Variants in PCDHA7 observed in about 807,000 individuals in gnomAD.
The protein encoded by PCDHA7 is protocadherin alpha-7.
In PCDHA7, 37 loss-of-function variants were observed where a neutral mutation model predicts 57.2. The ratio of observed to expected loss-of-function variants is 0.65; its 90% CI spans 0.50 to 0.85. PCDHA7 has a LOEUF of 0.85. PCDHA7 is among the 40% of genes least tolerant of loss of function. The probability of loss-of-function intolerance (pLI) is 0.00; values close to 1 mark genes in which losing one functional copy is unlikely to be tolerated. For missense variants in PCDHA7, 1,188 were observed against 1,241.8 expected, an observed-to-expected ratio of 0.96 and a Z score of 0.65; for synonymous variants, 553 against 558.8, an observed-to-expected ratio of 0.99 and a Z score of 0.15.
intron 1 of PCDHA7, among the ~76,000 whole-genome samples, chr5:140,898,221 T>C (rs1238265746): frequency 6.6e-6 from 1 of 152,230 alleles, no homozygotes; most frequent in South Asian, 2.1e-4. Flanking sequence ...ATTTTGGCTT[T>C]TGTTGCCATT....
In PCDHA7 at chr5:140,871,299, G is replaced by T. The variant is rs782459625; in HGVS notation, c.2355+34561G>T. On this transcript the variant is annotated intron_variant, in intron 1 of 3. Coordinates refer to ENST00000525929, the MANE Select transcript of PCDHA7 (RefSeq NM_018910.3). The stretch of plus-strand genomic sequence containing the variant: ...CAACGCCCACTGAGGGCGCGTGCGC[G>T]CCGGGGAAGCCCACGCTGGTGTGCT... 1.5e-5 allele frequency: 24 copies of T among 1,613,798 alleles called. No homozygotes were observed. In the East Asian group the frequency reaches 5.3e-4, roughly 36 times the overall value.
chr5:140,834,613 TA>T lies in PCDHA7; in HGVS notation c.233del (p.Asn78IlefsTer9). On this transcript the variant is annotated frameshift_variant, in exon 1 of 4. Transcript: ENST00000525929. LOFTEE classifies it high-confidence loss of function. Reference protein sequence around the residue: ...VCKFRGDLLEVNLQNGILFVN... With the variant: ...VCKFRGDLLEXNLQNGILFVN... ...AAATTCCGTGGGGATCTTCTGGAGG[TA>T]AATCTGCAGAATGGCATTTTGTTTG... 6.2e-6 allele frequency: 10 copies of T among 1,614,054 alleles called. No homozygotes were observed. The highest frequency in any genetic ancestry group is 8.5e-6 in the Non-Finnish European group (10 of 1,179,998).
intron 1 of PCDHA7, chr5:140,850,131 G>A (rs2150469102): frequency 2.5e-6 from 4 of 1,595,702 alleles, no homozygotes; most frequent in Admixed American, 1.7e-5. Context: ...GCCGCCTCTG[G>A]GCAGCAACGT....
intron 1 of PCDHA7, chr5:140,968,823 A>T (rs569036779): frequency 1.2e-6 from 2 of 1,614,192 alleles, no homozygotes; most frequent in Non-Finnish European, 8.5e-7. Context: ...AGGGTTTCCA[A>T]AATCCTCCCT....
intron 1 of PCDHA7, among the ~76,000 whole-genome samples, chr5:140,938,665 G>A (rs542703903): frequency 7.1e-4 from 108 of 152,106 alleles, no homozygotes; most frequent in Admixed American, 1.2e-3. Context: ...ATTAGACTTA[G>A]TTTCCTAACA....
intron 1 of PCDHA7, chr5:140,860,340 C>G (rs981702671): frequency 6.6e-6 from 1 of 151,936 alleles, no homozygotes; most frequent in Admixed American, 6.6e-5. Context: ...ATGATTGTGC[C>G]ACTGCACTCC....
chr5:140,965,260 G>A (rs1188138728), intron 1 of PCDHA7, among the ~76,000 whole-genome samples: 1 of 152,202 alleles, frequency 6.6e-6, no homozygotes, highest in Non-Finnish European at 1.5e-5. Context: ...GAACTGAGCA[G>A]CAGAGGCAAT....
At chr5:140,904,558 T>C (rs1288543737) in intron 1 of PCDHA7, among the ~76,000 whole-genome samples, 1 of 152,082 alleles carries the variant, frequency 6.6e-6, no homozygotes, top group Non-Finnish European at 1.5e-5. Flanking sequence ...ATAATGACTT[T>C]TTTTTCCTCT....
intron 1 of PCDHA7, chr5:140,875,900 C>G (rs1554168051): frequency 1.2e-6 from 2 of 1,614,174 alleles, no homozygotes; most frequent in South Asian, 2.2e-5. Flanking sequence ...GTACCTGTTT[C>G]TGAATCTGCG....
At position 140,835,228 on chromosome 5, in the gene PCDHA7, C is replaced by G. The variant is rs1260478265; in HGVS notation, c.845C>G (p.Ser282Cys). 1.3e-6 allele frequency: 2 copies of G among 1,593,870 alleles called. No homozygotes were observed. The highest frequency in any genetic ancestry group is 2.8e-5 in the African/African-American group (2 of 71,966). ...GLNGDIIYSF[S>C]SDVSPDIKSK... ...AATGGGGATATTATTTACTCCTTCTCCAGTGATGTTTCTCCAGATATAAAA... is the reference window on the plus strand; with the variant it reads ...AATGGGGATATTATTTACTCCTTCTGCAGTGATGTTTCTCCAGATATAAAA... The change falls in exon 1 of 4, where the codon TCC (serine) becomes TGC (cysteine). Residue 282 changes from serine (S) to cysteine (C), a missense_variant. Ser to Cys is a moderately radical substitution (Grantham distance 112). Around this residue, in one of 3 missense-constraint regions of PCDHA7, gnomAD observed 102 missense variants for 267.4 expected, o/e 0.38. Transcript: ENST00000525929.
intron 1 of PCDHA7, among the ~76,000 whole-genome samples, chr5:140,941,207 C>CTTCCTTTCTT (rs1563185091): frequency 3.9e-5 from 4 of 103,272 alleles, no homozygotes; most frequent in African/African-American, 1.7e-4. Context: ...TTCTTCCTTT[C>CTTCCTTTCTT]TTTCTTCCTT....
rs77940063 is a variant in PCDHA7, at chr5:140,966,638, T to G, written c.2356-12311T>G. Reference sequence around the variant, plus strand: ...ACGGAGGGAGCGGCCCCAGGCGCTTTCTAGAGCGTGAGCGGTGGGGGAGCA... The same window carrying G: ...ACGGAGGGAGCGGCCCCAGGCGCTTGCTAGAGCGTGAGCGGTGGGGGAGCA... On this transcript the variant is annotated intron_variant, in intron 1 of 3. Transcript: ENST00000525929. The G allele has an allele frequency of 3.9e-3, 4,251 of 1,090,104 alleles. 104 individuals carry two copies. The African/African-American group carries it at 0.057, about 15-fold the overall frequency. 67.5% of individuals were successfully genotyped at this position (1,090,104 alleles called of 1,614,324 possible).
At position 140,849,493 on chromosome 5, in the gene PCDHA7, A is replaced by G. The variant is rs2150439016; in HGVS notation, c.2355+12755A>G. ...AAAGGCTTCCCACCCCTGGCTGGTC[A>G]TTGTACACTTCTTGTGGAAGTTGTG... On this transcript the variant is annotated intron_variant, in intron 1 of 3. Transcript: ENST00000525929. 4.4e-6 allele frequency: 7 copies of G among 1,593,210 alleles called. 2 individuals are homozygous for G. Among genetic ancestry groups the G allele is most frequent in the Non-Finnish European group, 3.4e-6 (4 of 1,164,850 alleles).
At chr5:140,997,062 G>T (rs1159348962) in intron 3 of PCDHA7, among the ~76,000 whole-genome samples, 2 of 151,910 alleles carry the variant, frequency 1.3e-5, no homozygotes, top group African/African-American at 4.8e-5. Flanking sequence ...GCAGTTTTAG[G>T]TTCACAGGAA....
intron 1 of PCDHA7, chr5:140,843,356 T>G (rs1228911692): frequency 1.3e-6 from 2 of 1,595,866 alleles, no homozygotes; most frequent in Non-Finnish European, 1.7e-6. Context: ...TCCAAAAGCG[T>G]CATCGAGGCA....
At chr5:140,984,945 C>CA (rs1307962082) in intron 3 of PCDHA7, among the ~76,000 whole-genome samples, 2 of 149,212 alleles carry the variant, frequency 1.3e-5, no homozygotes, top group African/African-American at 4.9e-5. Flanking sequence ...AATGTCTAAT[C>CA]TTTTTTTTTT....
chr5:140,945,654 AT>A (rs1230046600), intron 1 of PCDHA7, among the ~76,000 whole-genome samples: 5 of 152,294 alleles, frequency 3.3e-5, no homozygotes, highest in Admixed American at 3.3e-4. Flanking sequence ...ATGGAGCAGA[AT>A]ACAGCTCCCA....
At chr5:140,903,636 T>C (rs1330875573) in intron 1 of PCDHA7, among the ~76,000 whole-genome samples, 3 of 152,236 alleles carry the variant, frequency 2.0e-5, no homozygotes, top group African/African-American at 7.2e-5. Context: ...TGTATGCATA[T>C]ACCATATACA....
intron 1 of PCDHA7, chr5:140,928,117 A>G (rs781867812): frequency 1.1e-5 from 18 of 1,614,208 alleles, no homozygotes; most frequent in Non-Finnish European, 1.5e-5. Context: ...GGAGCAGATC[A>G]GTGAATACCA....
Sources: gnomAD v4.1 joint callset for allele counts (sites outside exome capture counted in the v4.1 genomes callset) on GRCh38, gnomAD v4.1.1 for gene constraint, gnomAD v4.1.1 regional missense constraint, MANE v1.5 for transcripts, NCBI Gene and HGNC (gene_info 2026-07-23, HGNC 2026-07-21) for gene names.